NFKB1: variants seen among roughly 807,000 people sequenced by gnomAD.
NFKB1 encodes the protein nuclear factor NF-kappa-B p105 subunit.
A neutral mutation model predicts 105.1 loss-of-function variants in NFKB1; 9 were observed. The observed-to-expected ratio is 0.09, with a 90% CI of 0.05 to 0.15. The LOEUF (loss-of-function observed/expected upper bound fraction) is 0.15, where lower values mean the gene tolerates loss of function less well. Ranked by LOEUF, NFKB1 falls within the 10% of genes least tolerant of loss-of-function variation. NFKB1 has a pLI of 1.00. For missense variants in NFKB1, 830 were observed against 1,203.7 expected, an observed-to-expected ratio of 0.69 and a Z score of 4.59; for synonymous variants, 440 against 442.2, an observed-to-expected ratio of 1.00 and a Z score of 0.06.
intron 7 of NFKB1, 114 bp downstream of exon 7, chr4:102,577,153 A>T (rs1360346042): frequency 2.5e-5 from 27 of 1,101,036 alleles, no homozygotes; most frequent in Non-Finnish European, 3.4e-5. Flanking sequence ...CACTGCTGTC[A>T]CCTTTTCCTT....
chr4:102,612,434 G>T lies in NFKB1; in HGVS notation c.2420G>T (p.Gly807Val), dbSNP rs1347645910. 1 of 1,611,974 alleles carries T rather than the reference G, an allele frequency of 6.2e-7. No homozygotes were observed. The change falls in exon 22 of 24, where the codon GGA becomes GTA. Residue 807 changes from glycine to valine, a missense_variant and splice_region_variant. Physicochemically the swap from Gly to Val is moderately radical, Grantham distance 109 (BLOSUM62 -3). Around this residue, in one of 8 missense-constraint regions of NFKB1, gnomAD observed 418 missense variants for 575.3 expected, o/e 0.73. Coordinates refer to ENST00000226574, the MANE Select transcript of NFKB1 (RefSeq NM_003998.4). ...TGTGTTCCTTCTTCATTTCCTTCAGGAGACATGAAACAGCTGGCTGAAGAT... is the reference window on the plus strand; with the variant it reads ...TGTGTTCCTTCTTCATTTCCTTCAGTAGACATGAAACAGCTGGCTGAAGAT... ...EFTSDDLLAQ[G>V]DMKQLAEDVK...
At chr4:102,537,792 C>A in intron 4 of NFKB1, 66 bp from the exon 5 acceptor site, 1 of 934,260 alleles carries the variant, frequency 1.1e-6, no homozygotes, top group Non-Finnish European at 1.7e-6. Flanking sequence ...TTTGTATGTA[C>A]CTTTGTTGCC....
chr4:102,577,822 AT>A, intron 7 of NFKB1: 1 of 984,960 alleles, frequency 1.0e-6, no homozygotes, highest in Non-Finnish European at 1.2e-6. Context: ...ACTACATTCC[AT>A]TTTCATTGTT....
At chr4:102,528,582 G>A (rs949629432) in intron 2 of NFKB1, among the ~76,000 whole-genome samples, 2 of 152,066 alleles carry the variant, frequency 1.3e-5, no homozygotes, top group African/African-American at 4.8e-5. Flanking sequence ...AGCTAGTTCA[G>A]CACACTTACT....
At chr4:102,562,335 C>A (rs1389292823) in intron 5 of NFKB1, among the ~76,000 whole-genome samples, 1 of 152,214 alleles carries the variant, frequency 6.6e-6, no homozygotes, top group African/African-American at 2.4e-5. Flanking sequence ...TTCTCAGTTA[C>A]ACTTTTACAT....
intron 2 of NFKB1, among the ~76,000 whole-genome samples, chr4:102,525,880 T>G (rs2149113577): frequency 1.3e-5 from 2 of 152,284 alleles, no homozygotes; most frequent in South Asian, 4.1e-4. Context: ...TTCACAGTTC[T>G]GGGGGCTAGA....
At chr4:102,528,193 C>T (rs66890035) in intron 2 of NFKB1, among the ~76,000 whole-genome samples, 2,708 of 152,184 alleles carry the variant, frequency 0.018, 39 homozygotes, top group African/African-American at 0.045. Context: ...TTTGCCCACT[C>T]GCCAGTCATT....
intron 16 of NFKB1, among the ~76,000 whole-genome samples, chr4:102,603,022 T>C (rs1189469674): frequency 6.6e-6 from 1 of 152,200 alleles, no homozygotes; most frequent in Non-Finnish European, 1.5e-5. Flanking sequence ...GAATTACTTA[T>C]TTTATGTTTA....
chr4:102,520,978 A>G (rs763034474), intron 1 of NFKB1, among the ~76,000 whole-genome samples: 1 of 152,220 alleles, frequency 6.6e-6, no homozygotes, highest in Non-Finnish European at 1.5e-5. Context: ...AAATTACAAT[A>G]TAGAAACATA....
chr4:102,507,979 A>T (rs887947998), intron 1 of NFKB1, among the ~76,000 whole-genome samples: 2 of 152,228 alleles, frequency 1.3e-5, no homozygotes, highest in South Asian at 4.1e-4. Context: ...GTTCATTTAA[A>T]TAGTGAAAAT....
intron 1 of NFKB1, among the ~76,000 whole-genome samples, chr4:102,509,899 C>A (rs759594219): frequency 6.6e-6 from 1 of 152,168 alleles, no homozygotes; most frequent in Non-Finnish European, 1.5e-5. Context: ...AAGTGTAAAT[C>A]GGATCATGTC....
At chr4:102,593,007 T>C (rs1259059494) in intron 11 of NFKB1, among the ~76,000 whole-genome samples, 12 of 152,242 alleles carry the variant, frequency 7.9e-5, no homozygotes, top group Admixed American at 7.9e-4. Flanking sequence ...GTCATGCTTT[T>C]TTTTATTTCC....
At chr4:102,605,187 C>T (rs954882978) in intron 16 of NFKB1, among the ~76,000 whole-genome samples, 1 of 152,068 alleles carries the variant, frequency 6.6e-6, no homozygotes, top group Non-Finnish European at 1.5e-5. Flanking sequence ...GAAGAAGGCT[C>T]TTGGCAACAA....
chr4:102,610,507 A>C, intron 19 of NFKB1, 68 bp from the exon 20 acceptor site: 1 of 1,563,582 alleles, frequency 6.4e-7, no homozygotes, highest in Non-Finnish European at 8.7e-7. Context: ...TGGGAATCTG[A>C]CCTTTGCAGG....
chr4:102,588,681 G>A, intron 11 of NFKB1, among the ~76,000 whole-genome samples: 1 of 152,092 alleles, frequency 6.6e-6, no homozygotes. Context: ...ATTATCTAAA[G>A]TCATCAACTG....
intron 1 of NFKB1, among the ~76,000 whole-genome samples, chr4:102,521,083 T>C (rs1740541307): frequency 6.6e-6 from 1 of 152,204 alleles, no homozygotes; most frequent in Non-Finnish European, 1.5e-5. Flanking sequence ...ATGTGGATAA[T>C]TATAATTAAA....
At chr4:102,613,609 G>A in intron 23 of NFKB1, 28 bp downstream of exon 23, 2 of 1,603,258 alleles carry the variant, frequency 1.2e-6, no homozygotes, top group South Asian at 1.1e-5. Context: ...AGACAGTGGA[G>A]ATATTTTCCA....
At chr4:102,506,356 ATATGT>A (rs1739416397) in intron 1 of NFKB1, among the ~76,000 whole-genome samples, 2 of 152,320 alleles carry the variant, frequency 1.3e-5, no homozygotes, top group Non-Finnish European at 1.5e-5. Flanking sequence ...TTAAAACAAA[ATATGT>A]TATTTTGTTA....
At chr4:102,538,752 G>A (rs1289398792) in intron 5 of NFKB1, among the ~76,000 whole-genome samples, 3 of 152,156 alleles carry the variant, frequency 2.0e-5, no homozygotes, top group African/African-American at 4.8e-5. Flanking sequence ...GCAGATAAAC[G>A]CAGTCAACAA....
Sources: allele counts gnomAD v4.1 joint callset (sites outside exome capture counted in the v4.1 genomes callset), GRCh38; gene constraint gnomAD v4.1.1; regional missense constraint gnomAD v4.1.1; transcripts MANE v1.5; gene names NCBI Gene and HGNC (gene_info 2026-07-23, HGNC 2026-07-21).